Variants in EPB41 observed in about 807,000 individuals in gnomAD.
EPB41 encodes the protein protein 4.1.
Under a neutral mutation model 108.0 loss-of-function variants are expected in EPB41, and 65 were observed. The ratio of observed to expected loss-of-function variants is 0.60; its 90% CI spans 0.49 to 0.74. The LOEUF (loss-of-function observed/expected upper bound fraction) is 0.74, where lower values mean the gene tolerates loss of function less well. EPB41 is among the 30% of genes least tolerant of loss of function. The pLI is 0.00. For missense variants in EPB41, 875 were observed against 1,037.0 expected (o/e 0.84, Z 2.15); for synonymous variants, 336 against 358.9 (o/e 0.94, Z 0.72).
In EPB41 at chr1:29,065,130, T is replaced by C; in HGVS notation, c.2156T>C (p.Ile719Thr). 1.9e-6 allele frequency: 3 copies of C among 1,609,236 alleles called. No homozygotes were observed. Among genetic ancestry groups the C allele is most frequent in the Non-Finnish European group, 2.5e-6 (3 of 1,176,586 alleles). Residue 719 changes from isoleucine to threonine, a missense_variant, in exon 16 of 21, where the codon ATC becomes ACC. Coordinates refer to ENST00000343067, the MANE Select transcript of EPB41 (RefSeq NM_001376013.1). ...STHSPFRTLN[I>T]NGQIPTGEGP... ...CACTCACCCTTCCGAACTCTTAACA[T>C]CAATGGGCAAATCCCCACAGGAGAA...
chr1:28,958,447 TA>T (rs528679521), intron 1 of EPB41, among the ~76,000 whole-genome samples: 63 of 135,636 alleles, frequency 4.6e-4, no homozygotes, highest in African/African-American at 1.3e-3. Flanking sequence ...TATCCTGTCT[TA>T]AAAAAAAAAT....
intron 1 of EPB41, among the ~76,000 whole-genome samples, chr1:28,965,699 T>G (rs2095339417): frequency 6.6e-6 from 1 of 152,172 alleles, no homozygotes; most frequent in Non-Finnish European, 1.5e-5. Context: ...CTGAATGCCC[T>G]TAGGGATTTC....
At chr1:29,070,378 TC>T in intron 16 of EPB41, 1 of 1,232,138 alleles carries the variant, frequency 8.1e-7, no homozygotes, top group Non-Finnish European at 1.0e-6. Context: ...AGGAACGTGC[TC>T]TGTTAGTACA....
At chr1:28,947,119 T>C (rs947872926) in intron 1 of EPB41, among the ~76,000 whole-genome samples, 1 of 152,208 alleles carries the variant, frequency 6.6e-6, no homozygotes, top group African/African-American at 2.4e-5. Context: ...AACTTGTTGC[T>C]TAATTTTGAA....
chr1:28,972,168 T>G (rs545878366), intron 1 of EPB41, among the ~76,000 whole-genome samples: 2 of 152,220 alleles, frequency 1.3e-5, no homozygotes, highest in South Asian at 4.1e-4. Flanking sequence ...GCTCAAGTGA[T>G]CTGCCTGCTT....
intron 16 of EPB41, among the ~76,000 whole-genome samples, chr1:29,095,968 T>A (rs1016850227): frequency 6.6e-6 from 1 of 152,226 alleles, no homozygotes; most frequent in African/African-American, 2.4e-5. Context: ...AGGTTGGAAC[T>A]GCTTAAGCTG....
chr1:29,089,712 A>G (rs561701347), intron 16 of EPB41, among the ~76,000 whole-genome samples: 5 of 152,314 alleles, frequency 3.3e-5, no homozygotes, highest in Admixed American at 3.3e-4. Context: ...GGAGAAGGAT[A>G]TATGTGGAGT....
chr1:29,038,009 C>G (rs552168296), intron 10 of EPB41, among the ~76,000 whole-genome samples: 2 of 152,128 alleles, frequency 1.3e-5, no homozygotes, highest in African/African-American at 4.8e-5. Context: ...TATTTTGAAG[C>G]AAATCCCAGG....
intron 4 of EPB41, among the ~76,000 whole-genome samples, chr1:29,002,828 G>A (rs1370222167): frequency 3.3e-5 from 5 of 152,152 alleles, no homozygotes; most frequent in African/African-American, 1.2e-4. Context: ...GTAGGAATAA[G>A]GAAACCAAGT....
chr1:28,903,317 C>T (rs1327918013), intron 1 of EPB41, among the ~76,000 whole-genome samples: 1 of 141,958 alleles, frequency 7.0e-6, no homozygotes, highest in Non-Finnish European at 1.5e-5. Flanking sequence ...ATTTCTTTTT[C>T]TTTTCTTTCT....
chr1:28,888,596 G>A (rs1339481425), intron 1 of EPB41, among the ~76,000 whole-genome samples: 1 of 152,236 alleles, frequency 6.6e-6, no homozygotes, highest in Non-Finnish European at 1.5e-5. Context: ...TAAATAAGGC[G>A]TTAAAGCAGG....
chr1:29,104,321 T>C (rs1666420063), intron 17 of EPB41, among the ~76,000 whole-genome samples: 1 of 152,258 alleles, frequency 6.6e-6, no homozygotes, highest in African/African-American at 2.4e-5. Flanking sequence ...TTTTATTTAT[T>C]CACAGTCTCT....
intron 16 of EPB41, among the ~76,000 whole-genome samples, chr1:29,067,627 A>G (rs1354772991): frequency 2.0e-5 from 3 of 149,270 alleles, no homozygotes; most frequent in Non-Finnish European, 4.4e-5. Flanking sequence ...AGATCGCGCC[A>G]CTGCACTCCA....
chr1:28,935,469 C>A (rs200579814), intron 1 of EPB41, among the ~76,000 whole-genome samples: 513 of 42,066 alleles, frequency 0.012, 11 homozygotes, highest in African/African-American at 0.014. Context: ...ACACACACAC[C>A]CCCCCCCCCC....
At chr1:29,058,676 T>A in intron 13 of EPB41, 31 bp downstream of exon 13, 1 of 1,606,330 alleles carries the variant, frequency 6.2e-7, no homozygotes, top group South Asian at 1.1e-5. Context: ...TGTTCCTCTT[T>A]CCCTCCACCC....
At chr1:28,948,426 A>G (rs1191108946) in intron 1 of EPB41, among the ~76,000 whole-genome samples, 12 of 148,778 alleles carry the variant, frequency 8.1e-5, no homozygotes, top group Admixed American at 2.7e-4. Flanking sequence ...GGAGAATGGC[A>G]TGAACCCGAG....
intron 1 of EPB41, among the ~76,000 whole-genome samples, chr1:28,968,967 A>C (rs2095427219): frequency 8.4e-6 from 1 of 119,500 alleles, no homozygotes; most frequent in East Asian, 3.5e-4. Flanking sequence ...TCTGCCTCCA[A>C]AACCCCCCAC....
chr1:29,047,253 C>CTTTTTTTTTTTTTTTTTTTTTTTT lies in EPB41; in HGVS notation c.1637-5835_1637-5834insTTTTTTTTTTTTTTTTTTTTTTTT, dbSNP rs755248112. Among the ~76,000 whole-genome samples, 5 of 100,532 alleles carry CTTTTTTTTTTTTTTTTTTTTTTTT rather than the reference C, an allele frequency of 5.0e-5. 1 individual carries two copies. The highest frequency in any genetic ancestry group is 2.0e-4 in the African/African-American group (4 of 19,718). The allele number at this position is 100,532 out of a possible 152,430, so 66.0% of individuals were successfully genotyped here. A position where few individuals can be genotyped will look rare whatever the true frequency, so the allele number is the denominator to read the frequency against. ...TGTTTCTTTTTTCTTTCTTTCTTTCCTTTTTTTTTTTTTTTTGGAGAGAGA... is the reference window on the plus strand; with the variant it reads ...TGTTTCTTTTTTCTTTCTTTCTTTCCTTTTTTTTTTTTTTTTTTTTTTTTTTTTTTTTTTTTTTTTGGAGAGAGA... On this transcript the variant is annotated intron_variant, in intron 11 of 20. Transcript: ENST00000343067.
chr1:28,999,552 AGT>A (rs1255784993), intron 4 of EPB41, among the ~76,000 whole-genome samples: 7 of 152,342 alleles, frequency 4.6e-5, no homozygotes, highest in Middle Eastern at 3.4e-3. Context: ...AAAGTCACCA[AGT>A]ACCTACGTGT....
Sources: allele counts gnomAD v4.1 joint callset (sites outside exome capture counted in the v4.1 genomes callset), GRCh38; gene constraint gnomAD v4.1.1; transcripts MANE v1.5; gene names NCBI Gene and HGNC (gene_info 2026-07-23, HGNC 2026-07-21).